TSC22D2: variants seen among roughly 807,000 people sequenced by gnomAD.
TSC22D2 encodes the protein TSC22 domain family member 2, also known as TSC22 domain family protein 2.
Under a neutral mutation model 50.1 loss-of-function variants are expected in TSC22D2, and 5 were observed. That is an observed-to-expected ratio of 0.10 (90% CI 0.05 to 0.21). The LOEUF is 0.21. TSC22D2 is among the 10% of genes least tolerant of loss of function. TSC22D2 has a pLI of 1.00. For missense variants in TSC22D2, 1,003 were observed against 1,015.5 expected (o/e 0.99, Z 0.17); for synonymous variants, 501 against 450.1 (o/e 1.11, Z -1.43).
intron 1 of TSC22D2, among the ~76,000 whole-genome samples, chr3:150,456,741 G>A (rs1449432748): frequency 1.3e-5 from 2 of 152,060 alleles, no homozygotes; most frequent in African/African-American, 4.8e-5. Context: ...TAAGAGATAC[G>A]GAGAAGACAC....
In TSC22D2 at chr3:150,411,265, T is replaced by C; in HGVS notation, c.1915T>C (p.Ser639Pro). 1 of 1,614,158 alleles carries C rather than the reference T, an allele frequency of 6.2e-7. No individual in the cohort carries two copies. The highest frequency in any genetic ancestry group is 8.5e-7 in the Non-Finnish European group (1 of 1,180,004). Residue 639 changes from serine (S) to proline (P), a missense_variant, in exon 1 of 3, where the codon TCT (serine) becomes CCT (proline). Around this residue, in one of 6 missense-constraint regions of TSC22D2, gnomAD observed 696 missense variants for 647.8 expected, o/e 1.07. Coordinates refer to ENST00000688009, the MANE Select transcript of TSC22D2 (RefSeq NM_001303264.2). Reference sequence around the variant, plus strand: ...AACACCTATGAACAGTCTGGCCACCTCTGTATTCAGCATAGCTATTCCTGT... The same window carrying C: ...AACACCTATGAACAGTCTGGCCACCCCTGTATTCAGCATAGCTATTCCTGT... The part of the protein sequence containing the change: ...QLTPMNSLAT[S>P]VFSIAIPVDG...
In TSC22D2 at chr3:150,458,731, T is replaced by C; in HGVS notation, c.*95T>C. On this transcript the variant is annotated 3_prime_UTR_variant, in exon 3 of 3. Transcript: ENST00000688009. ...CACTTTATACGAAAGCAAGTAGCCATGCTTTGGTTGTGTGTTTGGCCTTTT... is the reference window on the plus strand; with the variant it reads ...CACTTTATACGAAAGCAAGTAGCCACGCTTTGGTTGTGTGTTTGGCCTTTT... 6.7e-7 allele frequency: 1 copy of C among 1,503,468 alleles called. No individual in the cohort carries two copies. Among genetic ancestry groups the C allele is most frequent in the Non-Finnish European group, 9.0e-7 (1 of 1,114,502 alleles). The allele number at this position is 1,503,468 out of a possible 1,614,324, so 93.1% of individuals were successfully genotyped here.
intron 1 of TSC22D2, among the ~76,000 whole-genome samples, chr3:150,447,850 A>G (rs1348927358): frequency 1.3e-5 from 2 of 152,166 alleles, no homozygotes; most frequent in Non-Finnish European, 2.9e-5. Flanking sequence ...GTCTTACACT[A>G]TTTTTCCAGT....
chr3:150,430,142 ATT>A (rs1720333152), intron 1 of TSC22D2, among the ~76,000 whole-genome samples: 1 of 152,096 alleles, frequency 6.6e-6, no homozygotes, highest in South Asian at 2.1e-4. Context: ...AGCTGGAGGG[ATT>A]GGTCAAAGCT....
Position 150,464,799 on chromosome 3 carries a change from A to C in TSC22D2, c.*6163A>C, listed in dbSNP as rs1721508087. ...CGAGCCTATGAAGTATTCCCTAAAA[A>C]AGAGGAACTAATCTGAGAAAAGTTT... On this transcript the variant is annotated 3_prime_UTR_variant, in exon 3 of 3. Coordinates refer to ENST00000688009, the MANE Select transcript of TSC22D2 (RefSeq NM_001303264.2). 6.6e-6 allele frequency: 1 copy of C among 152,212 alleles called. No individual in the cohort carries two copies. Among genetic ancestry groups the C allele is most frequent in the Admixed American group, 6.5e-5 (1 of 15,284 alleles). The allele number at this position is 152,212 out of a possible 1,614,324, so 9.4% of individuals were successfully genotyped here.
At chr3:150,416,451 A>G (rs893333305) in intron 1 of TSC22D2, among the ~76,000 whole-genome samples, 1 of 152,140 alleles carries the variant, frequency 6.6e-6, no homozygotes, top group Non-Finnish European at 1.5e-5. Context: ...CCTAAATTAG[A>G]ATAAATTATT....
intron 1 of TSC22D2, among the ~76,000 whole-genome samples, chr3:150,412,997 T>TAC (rs138812885): frequency 5.9e-5 from 9 of 152,056 alleles, no homozygotes; most frequent in African/African-American, 1.9e-4. Context: ...CCGCTTTCTA[T>TAC]ACACACACAC....
At chr3:150,452,573 TAA>T (rs1464472535) in intron 1 of TSC22D2, among the ~76,000 whole-genome samples, 1 of 152,186 alleles carries the variant, frequency 6.6e-6, no homozygotes, top group Non-Finnish European at 1.5e-5. Context: ...AATCTCATGG[TAA>T]GAGTAAGGAA....
Position 150,459,749 on chromosome 3 carries a change from G to A in TSC22D2, c.*1113G>A, listed in dbSNP as rs1432154645. 1 of 149,198 alleles carries A rather than the reference G, an allele frequency of 6.7e-6. No homozygotes were observed. Among genetic ancestry groups the A allele is most frequent in the Non-Finnish European group, 1.5e-5 (1 of 67,586 alleles). The allele number at this position is 149,198 out of a possible 1,614,324, so 9.2% of individuals were successfully genotyped here. On this transcript the variant is annotated 3_prime_UTR_variant, in exon 3 of 3. Transcript: ENST00000688009. ...AGCACTCTTATTGTAATATGTACTA[G>A]TCTGTGAACAATGTCAAATAAAAGA...
At chr3:150,444,624 G>A (rs1720820871) in intron 1 of TSC22D2, among the ~76,000 whole-genome samples, 1 of 152,170 alleles carries the variant, frequency 6.6e-6, no homozygotes, top group Non-Finnish European at 1.5e-5. Flanking sequence ...TGATGTAAGT[G>A]TAGAATTCAT....
chr3:150,445,096 T>C (rs1352136941), intron 1 of TSC22D2, among the ~76,000 whole-genome samples: 1 of 151,794 alleles, frequency 6.6e-6, no homozygotes, highest in African/African-American at 2.4e-5. Context: ...TTTGGAAAAA[T>C]TTCCCACAGT....
In TSC22D2 at chr3:150,410,545, A is replaced by G. The variant is rs1560077508; in HGVS notation, c.1195A>G (p.Thr399Ala). The change falls in exon 1 of 3, where the codon ACC (threonine) becomes GCC (alanine). Residue 399 changes from threonine to alanine, a missense_variant. By Grantham distance (58) the Thr-to-Ala change is moderately conservative. Coordinates refer to ENST00000688009, the MANE Select transcript of TSC22D2 (RefSeq NM_001303264.2). ...QPPSPAQPSS[T>A]GAAASPATAA... Reference sequence around the variant, plus strand: ...GCCAAGCCCCGCGCAGCCCTCGTCCACCGGCGCCGCAGCGAGCCCCGCCAC... The same window carrying G: ...GCCAAGCCCCGCGCAGCCCTCGTCCGCCGGCGCCGCAGCGAGCCCCGCCAC... 1 of 1,556,698 alleles carries G rather than the reference A, an allele frequency of 6.4e-7. No individual in the cohort carries two copies. Among genetic ancestry groups the G allele is most frequent in the Non-Finnish European group, 8.7e-7 (1 of 1,152,904 alleles).
chr3:150,443,060 A>T (rs929697131), intron 1 of TSC22D2, among the ~76,000 whole-genome samples: 3 of 152,204 alleles, frequency 2.0e-5, no homozygotes, highest in African/African-American at 7.2e-5. Flanking sequence ...ACTGAGTTAG[A>T]AGGGAATTTA....
chr3:150,445,427 C>CT (rs1441742115), intron 1 of TSC22D2, among the ~76,000 whole-genome samples: 21 of 151,548 alleles, frequency 1.4e-4, no homozygotes, highest in Admixed American at 1.3e-3. Context: ...TGCATTAAAT[C>CT]TTTAACATTT....
chr3:150,445,389 C>G (rs899130083), intron 1 of TSC22D2, among the ~76,000 whole-genome samples: 6 of 150,626 alleles, frequency 4.0e-5, no homozygotes, highest in African/African-American at 1.5e-4. Context: ...TCAAGTCAAA[C>G]AATTTTTATT....
At chr3:150,442,623 C>T (rs998692519) in intron 1 of TSC22D2, among the ~76,000 whole-genome samples, 3 of 152,112 alleles carry the variant, frequency 2.0e-5, no homozygotes, top group African/African-American at 4.8e-5. Flanking sequence ...TCTCAGTACC[C>T]GGTCCTATTA....
intron 1 of TSC22D2, among the ~76,000 whole-genome samples, chr3:150,447,823 A>C (rs1018733929): frequency 2.9e-4 from 44 of 152,216 alleles, no homozygotes; most frequent in African/African-American, 1.0e-3. Flanking sequence ...TGTACATCTA[A>C]GTCTAGGTAA....
In TSC22D2 at chr3:150,409,667, G is replaced by T. The variant is rs765309740; in HGVS notation, c.317G>T (p.Gly106Val). 6.3e-5 allele frequency: 100 copies of T among 1,598,440 alleles called. No individual in the cohort carries two copies. The highest frequency in any genetic ancestry group is 4.8e-4 in the Admixed American group (28 of 58,110). The part of the protein sequence containing the change: ...AAAAAPANGG[G>V]VVSARSVSGA... ...GCTGCTGCTCCCGCCAACGGAGGAG[G>T]AGTCGTTTCGGCCCGGAGCGTGTCT... Residue 106 changes from glycine (G) to valine (V), a missense_variant, in exon 1 of 3, where the codon GGA becomes GTA. Coordinates refer to ENST00000688009, the MANE Select transcript of TSC22D2 (RefSeq NM_001303264.2). This position sits in a 1 kb window ranked among gnomAD's most constrained non-coding sequence, Gnocchi z 7.4.
chr3:150,457,031 G>T (rs1559852430), intron 1 of TSC22D2, 45 bp from the exon 2 acceptor site: 2 of 1,543,480 alleles, frequency 1.3e-6, no homozygotes, highest in South Asian at 1.1e-5. Context: ...AGTTGGAAGG[G>T]AGGTTAAATT....
Sources: allele counts gnomAD v4.1 joint callset (sites outside exome capture counted in the v4.1 genomes callset), GRCh38; gene constraint gnomAD v4.1.1; regional missense constraint gnomAD v4.1.1; non-coding constraint Gnocchi (gnomAD v3.1); transcripts MANE v1.5; gene names NCBI Gene and HGNC (gene_info 2026-07-23, HGNC 2026-07-21).